The following FAM221B variants were observed in gnomAD, a reference collection of about 807,000 sequenced individuals.
The protein encoded by FAM221B is protein FAM221B.
In FAM221B, 35 loss-of-function variants were observed where a neutral mutation model predicts 39.8. The observed-to-expected ratio is 0.88, with a 90% CI of 0.67 to 1.17. The LOEUF is 1.17. Ranked by LOEUF, FAM221B falls within the 50% of genes most tolerant of loss-of-function variation. The pLI is 0.00. For synonymous variants in FAM221B, 158 were observed against 178.1 expected (o/e 0.89, Z 0.90); for missense variants, 479 against 503.1 (o/e 0.95, Z 0.46).
rs1829455899 is a variant in FAM221B, at chr9:35,828,019, A to G, written c.-1+444T>C. On this transcript the variant is annotated intron_variant, in intron 1 of 6. Coordinates refer to ENST00000423537, the MANE Select transcript of FAM221B (RefSeq NM_001012446.4). This position sits in a 1 kb window ranked among gnomAD's most constrained non-coding sequence, Gnocchi z 4.5. Reference sequence around the variant, plus strand: ...GAAAAGTACAGAATGTGGGCCAGGCATGGTGGCTCATGCCAGTAATCCCAG... The same window carrying G: ...GAAAAGTACAGAATGTGGGCCAGGCGTGGTGGCTCATGCCAGTAATCCCAG... Among the ~76,000 whole-genome samples, 1 of 152,178 alleles carries G rather than the reference A, an allele frequency of 6.6e-6. No homozygotes were observed. Among genetic ancestry groups the G allele is most frequent in the African/African-American group, 2.4e-5 (1 of 41,438 alleles).
Position 35,824,659 on chromosome 9 carries a change from G to GT in FAM221B, c.742+570dup, listed in dbSNP as rs892735728. Among the ~76,000 whole-genome samples the GT allele has an allele frequency of 1.6e-4, 23 of 147,626 alleles. 1 individual carries two copies. The highest frequency in any genetic ancestry group is 3.5e-4 in the African/African-American group (14 of 40,128). On this transcript the variant is annotated intron_variant, in intron 3 of 6. Transcript: ENST00000423537. ...ATCTGGGGTGGGCCATGACCCTTCT[G>GT]TTTTTTTTTGTTTTTTGTTTTTTGG...
intron 3 of FAM221B, among the ~76,000 whole-genome samples, chr9:35,822,440 C>A (rs1829171611): frequency 6.6e-6 from 1 of 152,124 alleles, no homozygotes; most frequent in Non-Finnish European, 1.5e-5. Flanking sequence ...CAGAGTCTCG[C>A]TCTGTTGCCT....
rs904447771 is a variant in FAM221B at position 35,819,281 on chromosome 9, G to A, written c.967C>T (p.Pro323Ser). ...CGACATTGGGCCCTCCAGGCCTTGGGGTCAAAGGTGGCCCGTCTCTTGAGC... is the reference window on the plus strand; with the variant it reads ...CGACATTGGGCCCTCCAGGCCTTGGAGTCAAAGGTGGCCCGTCTCTTGAGC... Reference protein sequence around the residue: ...FWLKRRATFDPKAWRAQCRCK... With the variant: ...FWLKRRATFDSKAWRAQCRCK... The change falls in exon 5 of 7, where the codon CCC becomes TCC. Residue 323 changes from proline to serine, a missense_variant. Transcript: ENST00000423537. The A allele has an allele frequency of 1.4e-5, 21 of 1,551,596 alleles. No individual in the cohort carries two copies. In the African/African-American group the frequency reaches 1.4e-4, roughly 10 times the overall value.
chr9:35,818,599 G>T, intron 6 of FAM221B, 93 bp from the exon 7 acceptor site: 2 of 1,309,574 alleles, frequency 1.5e-6, no homozygotes, highest in Non-Finnish European at 2.2e-6. Flanking sequence ...AGCCCCGGGG[G>T]ACTAGGGTGG....
intron 6 of FAM221B, 79 bp from the exon 7 acceptor site, chr9:35,818,585 A>C: frequency 7.1e-7 from 1 of 1,417,030 alleles, no homozygotes; most frequent in Non-Finnish European, 9.7e-7. Flanking sequence ...CGTGTGAACC[A>C]GGGAGCCCCG....
chr9:35,826,265 A>G, intron 1 of FAM221B, 104 bp from the exon 2 acceptor site: 2 of 832,276 alleles, frequency 2.4e-6, no homozygotes, highest in Non-Finnish European at 3.8e-6. Context: ...TTGGATAAGG[A>G]TATCAGTGCA....
chr9:35,818,761 G>C, intron 6 of FAM221B, 129 bp downstream of exon 6: 1 of 1,256,376 alleles, frequency 8.0e-7, no homozygotes, highest in South Asian at 1.4e-5. Flanking sequence ...CAGGTAGGTG[G>C]GTGGTGGGGA....
chr9:35,818,906 T>C lies in FAM221B; in HGVS notation c.1155A>G (p.Arg385=). Residue 385 remains arginine (R), a synonymous_variant, in exon 6 of 7, where the codon CGA becomes CGG. Transcript: ENST00000423537. ...TFFDTQKTRQ[R]GGRPRGTDTV... ...CTGCCTCACCGCGAGGCCTTCCTCC[T>C]CGTTGCCGGGTCTTCTGGGTGTCAA... 1 of 1,551,956 alleles carries C rather than the reference T, an allele frequency of 6.4e-7. No individual in the cohort carries two copies. Among genetic ancestry groups the C allele is most frequent in the Non-Finnish European group, 8.7e-7 (1 of 1,147,060 alleles).
Position 35,818,239 on chromosome 9 carries a change from T to G in FAM221B, c.*230A>C. 1.8e-6 allele frequency: 1 copy of G among 568,344 alleles called. No homozygotes were observed. Among genetic ancestry groups the G allele is most frequent in the Non-Finnish European group, 3.2e-6 (1 of 316,040 alleles). The allele number at this position is 568,344 out of a possible 1,614,324, so 35.2% of individuals were successfully genotyped here. A position where few individuals can be genotyped will look rare whatever the true frequency, so the allele number is the denominator to read the frequency against. ...TCTAACATCACTTCCCACTCTATCCTTCTTGAAACTTCCTCCCTTCTTGAC... is the reference window on the plus strand; with the variant it reads ...TCTAACATCACTTCCCACTCTATCCGTCTTGAAACTTCCTCCCTTCTTGAC... On this transcript the variant is annotated 3_prime_UTR_variant, in exon 7 of 7. Transcript: ENST00000423537.
intron 3 of FAM221B, among the ~76,000 whole-genome samples, chr9:35,824,742 C>T (rs112920995): frequency 0.012 from 1,772 of 148,276 alleles, 33 homozygotes; most frequent in African/African-American, 0.041. Context: ...AGTGCAGTGG[C>T]GCAATCTCGG....
At chr9:35,820,214 C>T (rs935945098) in intron 3 of FAM221B, among the ~76,000 whole-genome samples, 2 of 152,156 alleles carry the variant, frequency 1.3e-5, no homozygotes, top group Non-Finnish European at 1.5e-5. Context: ...CTTCAGTTCT[C>T]TTCCTACCCA....
chr9:35,827,867 A>T (rs1190295227), intron 1 of FAM221B, among the ~76,000 whole-genome samples: 1 of 152,192 alleles, frequency 6.6e-6, no homozygotes, highest in Non-Finnish European at 1.5e-5. Flanking sequence ...GTAGGATTAC[A>T]GGGAGGAAGA....
Position 35,818,983 on chromosome 9 carries a change from T to A in FAM221B, c.1078A>T (p.Asn360Tyr). The change falls in exon 6 of 7, where the codon AAT (asparagine) becomes TAT (tyrosine). Residue 360 changes from asparagine (N) to tyrosine (Y), a missense_variant. Asn to Tyr is a moderately radical substitution (Grantham distance 143). Coordinates refer to ENST00000423537, the MANE Select transcript of FAM221B (RefSeq NM_001012446.4). ...CGGTCACAGGCCGCACAGAGGAAAT[T>A]AGACTCAAAACAGCCGCAGCAACAG... ...HGCCCGCFESNFLCAACDRRW... is the reference protein window; with the variant it reads ...HGCCCGCFESYFLCAACDRRW... 2 of 1,551,634 alleles carry A rather than the reference T, an allele frequency of 1.3e-6. No homozygotes were observed. The highest frequency in any genetic ancestry group is 1.7e-6 in the Non-Finnish European group (2 of 1,146,976).
At position 35,825,519 on chromosome 9, in the gene FAM221B, G is replaced by A. The variant is rs1236163828; in HGVS notation, c.598+45C>T. 2 of 1,581,224 alleles carry A rather than the reference G, an allele frequency of 1.3e-6. No individual in the cohort carries two copies. The highest frequency in any genetic ancestry group is 2.3e-5 in the South Asian group (2 of 86,046). Reference sequence around the variant, plus strand: ...GTAGTGAGAACAGGACAGGGGAGAGGACAGGTACAATTACAGCTAACTCCT... The same window carrying A: ...GTAGTGAGAACAGGACAGGGGAGAGAACAGGTACAATTACAGCTAACTCCT... On this transcript the variant is annotated intron_variant, in intron 2 of 6. Coordinates refer to ENST00000423537, the MANE Select transcript of FAM221B (RefSeq NM_001012446.4). This position sits in a 1 kb window ranked among gnomAD's most constrained non-coding sequence, Gnocchi z 4.2.
intron 3 of FAM221B, among the ~76,000 whole-genome samples, chr9:35,821,283 G>T (rs564120546): frequency 6.6e-6 from 1 of 152,288 alleles, no homozygotes; most frequent in African/African-American, 2.4e-5. Context: ...TTAAACAATT[G>T]AGCTCATTCC....
Position 35,828,710 on chromosome 9 carries a change from G to A in FAM221B, c.-248C>T, listed in dbSNP as rs1264833693. 1.0e-6 allele frequency: 1 copy of A among 985,328 alleles called. No homozygotes were observed. The highest frequency in any genetic ancestry group is 1.2e-6 in the Non-Finnish European group (1 of 829,984). 61.0% of individuals were successfully genotyped at this position (985,328 alleles called of 1,614,324 possible). A position where few individuals can be genotyped will look rare whatever the true frequency, so the allele number is the denominator to read the frequency against. The stretch of plus-strand genomic sequence containing the variant: ...AGTGGGTAGGGACAAGGGGTCTAGG[G>A]CCAATGAGGGAGGGTCTTGACTGAA... On this transcript the variant is annotated 5_prime_UTR_variant, in exon 1 of 7. Transcript: ENST00000423537. This position sits in a 1 kb window ranked among gnomAD's most constrained non-coding sequence, Gnocchi z 4.5.
chr9:35,819,453 A>T, intron 4 of FAM221B, 59 bp from the exon 5 acceptor site: 2 of 1,460,592 alleles, frequency 1.4e-6, no homozygotes, highest in South Asian at 2.6e-5. Flanking sequence ...TTCTCATGCC[A>T]ACCCCATCCT....
chr9:35,818,766 T>C, intron 6 of FAM221B, 124 bp downstream of exon 6: 1 of 1,315,348 alleles, frequency 7.6e-7, no homozygotes. Flanking sequence ...AGGTGGGTGG[T>C]GGGGAGGTGG....
rs1306644582 is a variant in FAM221B, at chr9:35,818,110, C to T, written c.*359G>A. 4 of 247,600 alleles carry T rather than the reference C, an allele frequency of 1.6e-5. No individual in the cohort carries two copies. Among genetic ancestry groups the T allele is most frequent in the Non-Finnish European group, 2.4e-5 (3 of 125,874 alleles). The allele number at this position is 247,600 out of a possible 1,614,324, so 15.3% of individuals were successfully genotyped here. On this transcript the variant is annotated 3_prime_UTR_variant, in exon 7 of 7. Transcript: ENST00000423537. ...CACTGCTGTTTGACTCCTGCCTCCA[C>T]TGCACCAGTGTGAAACTGCACTCTC...
Sources: gnomAD v4.1 joint callset for allele counts (sites outside exome capture counted in the v4.1 genomes callset) on GRCh38, gnomAD v4.1.1 for gene constraint, Gnocchi (gnomAD v3.1) non-coding constraint, MANE v1.5 for transcripts, NCBI Gene and HGNC (gene_info 2026-07-23, HGNC 2026-07-21) for gene names.